Variants in STK32A observed in about 807,000 individuals in gnomAD.
STK32A encodes serine/threonine-protein kinase 32A.
STK32A carries 41 observed loss-of-function variants against 53.2 expected under a neutral mutation model. The observed-to-expected ratio is 0.77, with a 90% CI of 0.60 to 1.00. The LOEUF (loss-of-function observed/expected upper bound fraction) is 1.00. Among genes scored for constraint, STK32A ranks in the 50% least tolerant of loss-of-function variants. The probability of loss-of-function intolerance (pLI) is 0.00; values close to 1 mark genes in which losing one functional copy is unlikely to be tolerated. For missense variants in STK32A, 458 were observed against 485.8 expected (o/e 0.94, Z 0.54); for synonymous variants, 166 against 162.8 (o/e 1.02, Z -0.15).
intron 4 of STK32A, among the ~76,000 whole-genome samples, chr5:147,280,470 G>A (rs1187604745): frequency 2.0e-5 from 3 of 151,856 alleles, no homozygotes; most frequent in South Asian, 2.1e-4. Flanking sequence ...GAGTGAGACC[G>A]GCCCTTCGGT....
At chr5:147,370,432 T>C (rs1219831195) in intron 8 of STK32A, among the ~76,000 whole-genome samples, 1 of 152,150 alleles carries the variant, frequency 6.6e-6, no homozygotes, top group African/African-American at 2.4e-5. Context: ...ATTTATGGTA[T>C]TTTAGAAGCG....
chr5:147,300,299 C>T (rs945901393), intron 4 of STK32A, among the ~76,000 whole-genome samples: 3 of 152,102 alleles, frequency 2.0e-5, no homozygotes, highest in East Asian at 1.9e-4. Flanking sequence ...AGTGGCAGAG[C>T]GAGGACTCAA....
At chr5:147,267,048 A>G (rs116492428) in intron 2 of STK32A, among the ~76,000 whole-genome samples, 2,195 of 148,960 alleles carry the variant, frequency 0.015, 61 homozygotes, top group African/African-American at 0.052. Flanking sequence ...AAAAAAACCA[A>G]CAGGCAACAT....
intron 6 of STK32A, chr5:147,343,296 A>G (rs777081294): frequency 1.5e-6 from 1 of 660,452 alleles, no homozygotes; most frequent in South Asian, 1.5e-5. Flanking sequence ...TTCCACTACT[A>G]TATTTCTTCA....
At chr5:147,338,752 G>T (rs1366004097) in intron 5 of STK32A, among the ~76,000 whole-genome samples, 1 of 152,178 alleles carries the variant, frequency 6.6e-6, no homozygotes, top group African/African-American at 2.4e-5. Flanking sequence ...AAAGAGACTG[G>T]TGACATTTTT....
chr5:147,310,059 G>T (rs1753612946), intron 4 of STK32A, among the ~76,000 whole-genome samples: 1 of 151,896 alleles, frequency 6.6e-6, no homozygotes, highest in Non-Finnish European at 1.5e-5. Flanking sequence ...AATCACCACT[G>T]ATACTTTAAT....
rs530148502 is a variant in STK32A, at chr5:147,349,535, C to A, written c.473-1530C>A. On this transcript the variant is annotated intron_variant, in intron 6 of 12. Coordinates refer to ENST00000397936, the MANE Select transcript of STK32A (RefSeq NM_001112724.2). ...GTTTGCCTGAGCTTTTGGCACGGCC[C>A]TTTTGTTCCCTTTAGCTGTAAATGC... 2.0e-4 allele frequency among the ~76,000 whole-genome samples: 30 copies of A among 152,280 alleles called. No homozygotes were observed. In the South Asian group the frequency reaches 5.6e-3, roughly 28 times the overall value.
intron 11 of STK32A, among the ~76,000 whole-genome samples, chr5:147,381,066 C>T (rs1157414475): frequency 2.6e-5 from 4 of 152,084 alleles, no homozygotes; most frequent in African/African-American, 7.2e-5. Context: ...TGCAGGACTC[C>T]TTTGAGCATT....
intron 7 of STK32A, among the ~76,000 whole-genome samples, chr5:147,352,600 G>T (rs115155649): frequency 5.2e-4 from 79 of 152,294 alleles, no homozygotes; most frequent in African/African-American, 1.9e-3. Context: ...TTTCCCTGTG[G>T]TTGCTCCTAA....
intron 2 of STK32A, among the ~76,000 whole-genome samples, chr5:147,276,120 C>T (rs556633766): frequency 3.9e-5 from 6 of 152,118 alleles, no homozygotes; most frequent in Non-Finnish European, 7.4e-5. Flanking sequence ...GTAAATAATA[C>T]ACAACTCAGA....
chr5:147,262,102 G>T lies in STK32A; in HGVS notation c.53-16022G>T, dbSNP rs191548229. Among the ~76,000 whole-genome samples the T allele has an allele frequency of 1.1e-4, 16 of 152,208 alleles. 1 individual carries two copies. The highest frequency in any genetic ancestry group is 3.9e-4 in the African/African-American group (16 of 41,520). Reference sequence around the variant, plus strand: ...ATCTCGTCTTATTCTCATCACAAATGGTGAAGAAATGGTCAGCCACATTAA... The same window carrying T: ...ATCTCGTCTTATTCTCATCACAAATTGTGAAGAAATGGTCAGCCACATTAA... On this transcript the variant is annotated intron_variant, in intron 2 of 12. Transcript: ENST00000397936.
In STK32A at chr5:147,259,989, C is replaced by T. The variant is rs193271733; in HGVS notation, c.53-18135C>T. ...CTCTCTCCTCTCTGTGTCTCTTTGT[C>T]CTCTCTCTCTTTCTCTCTCCTCTGT... On this transcript the variant is annotated intron_variant, in intron 2 of 12. Transcript: ENST00000397936. Among the ~76,000 whole-genome samples, 236 of 138,522 alleles carry T rather than the reference C, an allele frequency of 1.7e-3. 1 individual carries two copies. The highest frequency in any genetic ancestry group is 6.3e-3 in the African/African-American group (230 of 36,344). The allele number at this position is 138,522 out of a possible 152,430, so 90.9% of individuals were successfully genotyped here. A position where few individuals can be genotyped will look rare whatever the true frequency, so the allele number is the denominator to read the frequency against.
intron 2 of STK32A, among the ~76,000 whole-genome samples, chr5:147,271,691 C>G (rs111406576): frequency 0.19 from 29,182 of 152,076 alleles, 3,507 homozygotes; most frequent in Non-Finnish European, 0.26. Context: ...ATGGTTGAAA[C>G]TGTAGGGATG....
chr5:147,242,456 G>T (rs548140919), intron 2 of STK32A, among the ~76,000 whole-genome samples: 1 of 152,312 alleles, frequency 6.6e-6, no homozygotes, highest in African/African-American at 2.4e-5. Flanking sequence ...GCCTTAAAGT[G>T]CCACCAAGGA....
intron 4 of STK32A, among the ~76,000 whole-genome samples, chr5:147,282,012 T>C (rs1752086077): frequency 6.6e-6 from 1 of 152,092 alleles, no homozygotes; most frequent in African/African-American, 2.4e-5. Flanking sequence ...CTAAGCATCA[T>C]ATATGAAGGA....
At position 147,308,892 on chromosome 5, in the gene STK32A, A is replaced by G. The variant is rs1753554179; in HGVS notation, c.261-15006A>G. On this transcript the variant is annotated intron_variant, in intron 4 of 12. Coordinates refer to ENST00000397936, the MANE Select transcript of STK32A (RefSeq NM_001112724.2). ...GTCATGTTCTATTATCCTCTTGTGT[A>G]TATTACTGGCTACAATAAAATATTT... 3.3e-5 allele frequency among the ~76,000 whole-genome samples: 5 copies of G among 151,452 alleles called. No homozygotes were observed. The South Asian group carries it at 1.0e-3, about 31-fold the overall frequency.
chr5:147,385,594 TCTCA>T lies in STK32A; in HGVS notation c.*1615_*1618del, dbSNP rs1757618664. Reference sequence around the variant, plus strand: ...CTACTTATTTAAAATATCACTGATGTCTCACTCTTTTTCTTTATATTTTATTTAT... The same window carrying T: ...CTACTTATTTAAAATATCACTGATGTCTCTTTTTCTTTATATTTTATTTAT... On this transcript the variant is annotated 3_prime_UTR_variant, in exon 13 of 13. Transcript: ENST00000397936. 1 of 152,190 alleles carries T rather than the reference TCTCA, an allele frequency of 6.6e-6. No individual in the cohort carries two copies. The highest frequency in any genetic ancestry group is 2.1e-4 in the South Asian group (1 of 4,828). The allele number at this position is 152,190 out of a possible 1,614,324, so 9.4% of individuals were successfully genotyped here. A position where few individuals can be genotyped will look rare whatever the true frequency, so the allele number is the denominator to read the frequency against.
chr5:147,260,894 C>T (rs544798784), intron 2 of STK32A, among the ~76,000 whole-genome samples: 27 of 152,224 alleles, frequency 1.8e-4, no homozygotes, highest in Non-Finnish European at 3.2e-4. Context: ...CATTCATGCA[C>T]ACACACACAT....
rs769657142 is a variant in STK32A, at chr5:147,370,697, T to TACAC, written c.707_710dup (p.Phe238HisfsTer3). 27 of 1,612,562 alleles carry TACAC rather than the reference T, an allele frequency of 1.7e-5. 1 individual carries two copies. The highest frequency in any genetic ancestry group is 2.2e-5 in the Non-Finnish European group (26 of 1,178,914). ...TCCAGTACTTCCAGCAAGGAAATTGTACACACGTTTGAGACGACTGTTGTA... is the reference window on the plus strand; with the variant it reads ...TCCAGTACTTCCAGCAAGGAAATTGTACACACACACGTTTGAGACGACTGTTGTA... On this transcript the variant is annotated frameshift_variant, in exon 9 of 13. Coordinates refer to ENST00000397936, the MANE Select transcript of STK32A (RefSeq NM_001112724.2). LOFTEE classifies it high-confidence loss of function.
Sources: allele counts gnomAD v4.1 joint callset (sites outside exome capture counted in the v4.1 genomes callset), GRCh38; gene constraint gnomAD v4.1.1; transcripts MANE v1.5; gene names NCBI Gene and HGNC (gene_info 2026-07-23, HGNC 2026-07-21).